RBFOX1: variants seen among roughly 807,000 people sequenced by gnomAD.
The protein encoded by RBFOX1 is RNA binding protein fox-1 homolog 1.
In RBFOX1, 8 loss-of-function variants were observed where a neutral mutation model predicts 57.7. The ratio of observed to expected loss-of-function variants is 0.14; its 90% CI spans 0.08 to 0.25. RBFOX1 has a LOEUF of 0.25. RBFOX1 is among the 10% of genes least tolerant of loss of function. RBFOX1 has a pLI of 1.00. For missense variants in RBFOX1, 611 were observed against 548.5 expected (o/e 1.11, Z -1.14); for synonymous variants, 326 against 222.4 (o/e 1.47, Z -4.15).
intron 3 of RBFOX1, among the ~76,000 whole-genome samples, chr16:7,008,107 G>A (rs1365824415): frequency 6.6e-6 from 1 of 152,024 alleles, no homozygotes; most frequent in African/African-American, 2.4e-5. Flanking sequence ...GCCCTTTATT[G>A]TTTCATGTAC....
chr16:6,991,362 C>T (rs914471105), intron 3 of RBFOX1, among the ~76,000 whole-genome samples: 5 of 152,006 alleles, frequency 3.3e-5, no homozygotes, highest in African/African-American at 1.2e-4. Flanking sequence ...ATGTACAGGC[C>T]CTGGACAGGA....
chr16:7,290,628 A>G (rs893585986), intron 4 of RBFOX1, among the ~76,000 whole-genome samples: 5 of 152,234 alleles, frequency 3.3e-5, no homozygotes, highest in African/African-American at 1.2e-4. Flanking sequence ...TCACTCAACT[A>G]ATATTTAACA....
rs563945917 is a variant in RBFOX1 at position 5,412,937 on chromosome 16, A to G, written c.220-54279A>G. On this transcript the variant is annotated intron_variant, in intron 1 of 2. Coordinates refer to the RBFOX1 transcript ENST00000585867. ...CCCAGGACATGGCTGCATGAGCGTT[A>G]CGGTTGAAACAACACATCTCACTCG... is the stretch of plus-strand genomic sequence containing the variant. Among the ~76,000 whole-genome samples the G allele has an allele frequency of 8.1e-4, 124 of 152,306 alleles. 1 individual carries two copies. The highest frequency in any genetic ancestry group is 2.9e-3 in the African/African-American group (120 of 41,578).
chr16:5,713,103 A>G (rs757486180), intron 3 of RBFOX1, among the ~76,000 whole-genome samples: 1 of 152,228 alleles, frequency 6.6e-6, no homozygotes, highest in Non-Finnish European at 1.5e-5. Flanking sequence ...CAAGCATCCA[A>G]AACTTTTCTC....
intron 4 of RBFOX1, among the ~76,000 whole-genome samples, chr16:7,277,036 T>G (rs560493023): frequency 6.6e-6 from 1 of 152,226 alleles, no homozygotes; most frequent in African/African-American, 2.4e-5. Context: ...CAGAAAGAAA[T>G]GAGAATTTGT....
intron 4 of RBFOX1, among the ~76,000 whole-genome samples, chr16:5,983,336 G>A (rs2060211688): frequency 6.6e-6 from 1 of 152,224 alleles, no homozygotes; most frequent in East Asian, 1.9e-4. Flanking sequence ...TTCCCTGACA[G>A]CTCCTGCACA....
intron 3 of RBFOX1, among the ~76,000 whole-genome samples, chr16:5,829,540 G>A (rs1157185075): frequency 6.6e-6 from 1 of 152,122 alleles, no homozygotes; most frequent in Non-Finnish European, 1.5e-5. Context: ...CTGTTCAGCT[G>A]CATATGAGGA....
chr16:5,704,258 T>A (rs1043106640), intron 3 of RBFOX1, among the ~76,000 whole-genome samples: 2 of 152,170 alleles, frequency 1.3e-5, no homozygotes, highest in African/African-American at 4.8e-5. Flanking sequence ...ATAAAAGTTA[T>A]GCAAAGAGAA....
chr16:6,183,575 A>G (rs904346754), intron 1 of RBFOX1, among the ~76,000 whole-genome samples: 2 of 152,158 alleles, frequency 1.3e-5, no homozygotes, highest in Non-Finnish European at 2.9e-5. Context: ...GCTGTTATAT[A>G]TGAGAGAGGG....
chr16:6,255,768 C>T (rs531232671), intron 1 of RBFOX1, among the ~76,000 whole-genome samples: 55 of 152,116 alleles, frequency 3.6e-4, no homozygotes, highest in African/African-American at 1.3e-3. Context: ...TGGAAACCGT[C>T]GTTCTCACCA....
intron 1 of RBFOX1, among the ~76,000 whole-genome samples, chr16:6,195,397 T>G (rs973255893): frequency 6.6e-6 from 1 of 152,086 alleles, no homozygotes; most frequent in South Asian, 2.1e-4. Context: ...TGAGAAAAAT[T>G]TATGGCCTTT....
chr16:7,387,086 G>T (rs2097896903), intron 4 of RBFOX1, among the ~76,000 whole-genome samples: 1 of 151,962 alleles, frequency 6.6e-6, no homozygotes, highest in Non-Finnish European at 1.5e-5. Flanking sequence ...TTTTTTTCTT[G>T]TAAATTTGTT....
At chr16:7,420,827 A>G (rs1218559335) in intron 4 of RBFOX1, among the ~76,000 whole-genome samples, 2 of 149,838 alleles carry the variant, frequency 1.3e-5, no homozygotes, top group Non-Finnish European at 3.0e-5. Context: ...ACTTTAAAGA[A>G]TTATTCTTTG....
chr16:5,919,344 A>T (rs1266747715), intron 4 of RBFOX1, among the ~76,000 whole-genome samples: 3 of 152,110 alleles, frequency 2.0e-5, no homozygotes, highest in African/African-American at 4.8e-5. Context: ...TTGCATTTTT[A>T]AATTTTTTTT....
chr16:5,498,041 C>G (rs1302413807), intron 2 of RBFOX1, among the ~76,000 whole-genome samples: 1 of 152,128 alleles, frequency 6.6e-6, no homozygotes, highest in African/African-American at 2.4e-5. Context: ...AGAGAAGATT[C>G]CAGAGTGGCT....
At chr16:5,788,991 C>T (rs2054601405) in intron 3 of RBFOX1, among the ~76,000 whole-genome samples, 1 of 152,130 alleles carries the variant, frequency 6.6e-6, no homozygotes, top group Admixed American at 6.5e-5. Flanking sequence ...CAATGCTCTT[C>T]CACTTCCAGC....
At chr16:6,948,346 C>G (rs1389362479) in intron 3 of RBFOX1, among the ~76,000 whole-genome samples, 1 of 136,482 alleles carries the variant, frequency 7.3e-6, no homozygotes. Flanking sequence ...TGACATCTTT[C>G]TGCTACATGT....
At chr16:6,430,744 A>G (rs568121242) in intron 2 of RBFOX1, among the ~76,000 whole-genome samples, 1 of 152,242 alleles carries the variant, frequency 6.6e-6, no homozygotes, top group African/African-American at 2.4e-5. Context: ...ATGCTTGGCA[A>G]CAAGGTTCTA....
At chr16:7,101,955 G>C (rs2062772629) in intron 4 of RBFOX1, among the ~76,000 whole-genome samples, 2 of 152,130 alleles carry the variant, frequency 1.3e-5, no homozygotes, top group South Asian at 2.1e-4. Context: ...ACCAAGCCTT[G>C]TACCACAAGC....
Sources: gnomAD v4.1 joint callset for allele counts (sites outside exome capture counted in the v4.1 genomes callset) on GRCh38, gnomAD v4.1.1 for gene constraint, MANE v1.5 for transcripts, NCBI Gene and HGNC (gene_info 2026-07-23, HGNC 2026-07-21) for gene names.